The following ZNF605 variants were observed in gnomAD, a reference collection of about 807,000 sequenced individuals.
ZNF605 encodes zinc finger protein 605.
A neutral mutation model predicts 7.9 loss-of-function variants in ZNF605; 9 were observed. The observed-to-expected ratio is 1.14, with a 90% confidence interval of 0.68 to 1.98. ZNF605 has a LOEUF of 1.98. ZNF605 is among the 30% of genes most tolerant of loss of function. ZNF605 has a pLI of 0.00. For missense variants in ZNF605, 673 were observed against 762.4 expected, an observed-to-expected ratio of 0.88 and a Z score of 1.38; for synonymous variants, 255 against 260.1, an observed-to-expected ratio of 0.98 and a Z score of 0.19.
rs780945780 is a variant in ZNF605 at position 132,944,778 on chromosome 12, T to C, written c.15+843A>G. ...TAGGATCTTACCACTATGCCATGTA[T>C]ATGAATAATTATCAAAACATTTTCT... On this transcript the variant is annotated intron_variant, in intron 3 of 4. Coordinates refer to ENST00000360187, the MANE Select transcript of ZNF605 (RefSeq NM_183238.4). 319 of 153,382 alleles carry C rather than the reference T, an allele frequency of 2.1e-3. 1 individual carries two copies. The highest frequency in any genetic ancestry group is 3.8e-3 in the Non-Finnish European group (259 of 68,828). The allele number at this position is 153,382 out of a possible 1,614,324, so 9.5% of individuals were successfully genotyped here. A position where few individuals can be genotyped will look rare whatever the true frequency, so the allele number is the denominator to read the frequency against.
rs1952324042 is a variant in ZNF605 at position 132,933,204 on chromosome 12, T to C, written c.16-49A>G. 1 of 1,562,936 alleles carries C rather than the reference T, an allele frequency of 6.4e-7. No homozygotes were observed. Among genetic ancestry groups the C allele is most frequent in the Non-Finnish European group, 8.7e-7 (1 of 1,152,984 alleles). On this transcript the variant is annotated intron_variant, in intron 3 of 4. Transcript: ENST00000360187. This position sits in a 1 kb window ranked among gnomAD's most constrained non-coding sequence, Gnocchi z 4.4. ...AACCTGAAGTGGTTCTCATTTGGTC[T>C]TGTAAAATACTTTCTTCTGTATTTG...
At chr12:132,939,233 G>T (rs1392847066) in intron 3 of ZNF605, among the ~76,000 whole-genome samples, 6 of 152,172 alleles carry the variant, frequency 3.9e-5, no homozygotes, top group African/African-American at 1.4e-4. Context: ...TGGTGGGGAC[G>T]TGGAGAGTCT....
At chr12:132,929,852 G>A (rs1294902224) in intron 4 of ZNF605, among the ~76,000 whole-genome samples, 2 of 152,188 alleles carry the variant, frequency 1.3e-5, no homozygotes, top group Non-Finnish European at 2.9e-5. Flanking sequence ...GGCTGAGGCA[G>A]GAGAATCGCT....
At position 132,919,315 on chromosome 12, in the gene ZNF605, C is replaced by G. The variant is rs1393705217; in HGVS notation, c.*6058G>C. On this transcript the variant is annotated 3_prime_UTR_variant, in exon 5 of 5. Transcript: ENST00000360187. The stretch of plus-strand genomic sequence containing the variant: ...TCTTGGGCTCAAGCTCTCCTCTCCT[C>G]CCAGCTGGGCCTCCCAAAGTCCTGG... The G allele has an allele frequency of 3.3e-5, 5 of 151,966 alleles. No individual in the cohort carries two copies. Among genetic ancestry groups the G allele is most frequent in the Non-Finnish European group, 7.4e-5 (5 of 68,020 alleles). 9.4% of individuals were successfully genotyped at this position (151,966 alleles called of 1,614,324 possible).
In ZNF605 at chr12:132,918,362, T is replaced by C. The variant is rs1277739689; in HGVS notation, c.*7011A>G. On this transcript the variant is annotated 3_prime_UTR_variant, in exon 5 of 5. Coordinates refer to ENST00000360187, the MANE Select transcript of ZNF605 (RefSeq NM_183238.4). Reference sequence around the variant, plus strand: ...TGCTCCCAGTGATCACACTCACACATATGAATTCATGAAACAGTTTACTCA... The same window carrying C: ...TGCTCCCAGTGATCACACTCACACACATGAATTCATGAAACAGTTTACTCA... The C allele has an allele frequency of 6.6e-6, 1 of 152,216 alleles. No homozygotes were observed. The highest frequency in any genetic ancestry group is 1.9e-4 in the East Asian group (1 of 5,208). The allele number at this position is 152,216 out of a possible 1,614,324, so 9.4% of individuals were successfully genotyped here.
rs1012130684 is a variant in ZNF605 at position 132,941,755 on chromosome 12, G to A, written c.15+3866C>T. Among the ~76,000 whole-genome samples the A allele has an allele frequency of 1.1e-4, 17 of 151,430 alleles. No homozygotes were observed. The highest frequency in any genetic ancestry group is 1.6e-4 in the Non-Finnish European group (11 of 67,820). ...ACCTCCAGGCTGCCCTCCGTCACGC[G>A]TCCCTCTTCTCCGGGCTGCCCTCCG... On this transcript the variant is annotated intron_variant, in intron 3 of 4. Transcript: ENST00000360187. This position sits in a 1 kb window ranked among gnomAD's most constrained non-coding sequence, Gnocchi z 5.1.
chr12:132,952,270 G>A (rs983650942), intron 1 of ZNF605, among the ~76,000 whole-genome samples: 1 of 151,778 alleles, frequency 6.6e-6, no homozygotes, highest in Non-Finnish European at 1.5e-5. Flanking sequence ...GACCAGCCTG[G>A]CCAACATGGT....
At position 132,920,383 on chromosome 12, in the gene ZNF605, C is replaced by G. The variant is rs1466534173; in HGVS notation, c.*4990G>C. Reference sequence around the variant, plus strand: ...CTCGATCTCCTGACCTCGTGATCCACCCGCCTTGGCCTCCCAAAGTGCTGG... The same window carrying G: ...CTCGATCTCCTGACCTCGTGATCCAGCCGCCTTGGCCTCCCAAAGTGCTGG... On this transcript the variant is annotated 3_prime_UTR_variant, in exon 5 of 5. Transcript: ENST00000360187. 1 of 152,170 alleles carries G rather than the reference C, an allele frequency of 6.6e-6. No homozygotes were observed. Among genetic ancestry groups the G allele is most frequent in the Non-Finnish European group, 1.5e-5 (1 of 68,042 alleles). The allele number at this position is 152,170 out of a possible 1,614,324, so 9.4% of individuals were successfully genotyped here.
rs1277878718 is a variant in ZNF605 at position 132,933,455 on chromosome 12, C to T, written c.16-300G>A. On this transcript the variant is annotated intron_variant, in intron 3 of 4. Coordinates refer to ENST00000360187, the MANE Select transcript of ZNF605 (RefSeq NM_183238.4). The surrounding 1 kb of genome is among the most constrained non-coding windows in gnomAD (Gnocchi z 4.4). Reference sequence around the variant, plus strand: ...GAGTCTGGCTGCTGTGTTGTAAGGCCGCCATGTGGAAGCTCATGTGCCGTG... The same window carrying T: ...GAGTCTGGCTGCTGTGTTGTAAGGCTGCCATGTGGAAGCTCATGTGCCGTG... Among the ~76,000 whole-genome samples the T allele has an allele frequency of 6.6e-6, 1 of 152,178 alleles. No homozygotes were observed. Among genetic ancestry groups the T allele is most frequent in the East Asian group, 1.9e-4 (1 of 5,194 alleles).
At chr12:132,955,454 C>T (rs1222085755) in intron 1 of ZNF605, among the ~76,000 whole-genome samples, 1 of 152,122 alleles carries the variant, frequency 6.6e-6, no homozygotes, top group Non-Finnish European at 1.5e-5. Flanking sequence ...TGGAGTTCAG[C>T]CAGTCACCGA....
At chr12:132,937,201 A>T (rs1305436616) in intron 3 of ZNF605, among the ~76,000 whole-genome samples, 2 of 152,102 alleles carry the variant, frequency 1.3e-5, no homozygotes, top group East Asian at 3.9e-4. Context: ...TCTACTAAAA[A>T]TACAAAAATT....
intron 2 of ZNF605, among the ~76,000 whole-genome samples, chr12:132,946,352 AAAAC>A (rs1333107425): frequency 6.6e-6 from 1 of 152,252 alleles, no homozygotes; most frequent in Non-Finnish European, 1.5e-5. Flanking sequence ...TAAAAAAAGA[AAAAC>A]AGACACCCCT....
At chr12:132,930,901 T>A (rs1166670278) in intron 4 of ZNF605, among the ~76,000 whole-genome samples, 1 of 152,190 alleles carries the variant, frequency 6.6e-6, no homozygotes, top group African/African-American at 2.4e-5. Context: ...TCAGTTTCCC[T>A]GCTGTGCATT....
chr12:132,932,468 A>G (rs1296568572), intron 4 of ZNF605, among the ~76,000 whole-genome samples: 1 of 152,196 alleles, frequency 6.6e-6, no homozygotes, highest in African/African-American at 2.4e-5. Context: ...ATGGCCACCA[A>G]TCTATGCCAC....
Position 132,933,226 on chromosome 12 carries a change from T to C in ZNF605, c.16-71A>G, listed in dbSNP as rs1952324138. The stretch of plus-strand genomic sequence containing the variant: ...GTCTTGTAAAATACTTTCTTCTGTA[T>C]TTGTGGTAGGTGGCCTCTAAGATGG... On this transcript the variant is annotated intron_variant, in intron 3 of 4. Coordinates refer to ENST00000360187, the MANE Select transcript of ZNF605 (RefSeq NM_183238.4). The surrounding 1 kb of genome is among the most constrained non-coding windows in gnomAD (Gnocchi z 4.4). The C allele has an allele frequency of 6.6e-7, 1 of 1,518,570 alleles. No individual in the cohort carries two copies. The allele number at this position is 1,518,570 out of a possible 1,614,324, so 94.1% of individuals were successfully genotyped here. A position where few individuals can be genotyped will look rare whatever the true frequency, so the allele number is the denominator to read the frequency against.
At chr12:132,935,160 C>T (rs1321765064) in intron 3 of ZNF605, among the ~76,000 whole-genome samples, 1 of 152,102 alleles carries the variant, frequency 6.6e-6, no homozygotes, top group African/African-American at 2.4e-5. Context: ...TTGAGCATTC[C>T]AGTCCCAGCA....
chr12:132,954,592 A>T (rs1434898337), intron 1 of ZNF605, among the ~76,000 whole-genome samples: 1 of 150,856 alleles, frequency 6.6e-6, no homozygotes, highest in Non-Finnish European at 1.5e-5. Context: ...CTTGCGCCAC[A>T]GACCCCCTAA....
At chr12:132,927,568 G>A (rs2137125539) in intron 4 of ZNF605, among the ~76,000 whole-genome samples, 1 of 152,088 alleles carries the variant, frequency 6.6e-6, no homozygotes, top group Non-Finnish European at 1.5e-5. Flanking sequence ...GTTTCACCGT[G>A]TTAGCCAGGA....
chr12:132,947,403 C>T (rs1390920312), intron 2 of ZNF605, among the ~76,000 whole-genome samples: 1 of 151,858 alleles, frequency 6.6e-6, no homozygotes, highest in Non-Finnish European at 1.5e-5. Flanking sequence ...CTCAACCTTC[C>T]TGGGCTCAGG....
Sources: gnomAD v4.1 joint callset for allele counts (sites outside exome capture counted in the v4.1 genomes callset) on GRCh38, gnomAD v4.1.1 for gene constraint, Gnocchi (gnomAD v3.1) non-coding constraint, MANE v1.5 for transcripts, NCBI Gene and HGNC (gene_info 2026-07-23, HGNC 2026-07-21) for gene names.